INPP4B: variants seen among roughly 807,000 people sequenced by gnomAD.
INPP4B encodes the protein inositol polyphosphate-4-phosphatase type II B, also known as inositol polyphosphate 4-phosphatase type II.
A neutral mutation model predicts 122.5 loss-of-function variants in INPP4B; 55 were observed. The observed-to-expected ratio is 0.45, with a 90% CI of 0.36 to 0.56. The LOEUF (loss-of-function observed/expected upper bound fraction) is 0.56, where lower values mean the gene tolerates loss of function less well. Ranked by LOEUF, INPP4B falls within the 20% of genes least tolerant of loss-of-function variation. The pLI is 0.00. For synonymous variants in INPP4B, 403 were observed against 388.7 expected, an observed-to-expected ratio of 1.04 and a Z score of -0.43; for missense variants, 1,000 against 1,097.7, an observed-to-expected ratio of 0.91 and a Z score of 1.26.
chr4:142,046,177 A>G (rs1210882977), intron 25 of INPP4B, among the ~76,000 whole-genome samples: 1 of 152,148 alleles, frequency 6.6e-6, no homozygotes, highest in Non-Finnish European at 1.5e-5. Context: ...CTATTGCATA[A>G]TAAGAAAAAG....
At position 142,748,816 on chromosome 4, in the gene INPP4B, A is replaced by G. The variant is rs545378654; in HGVS notation, c.-253-22915T>C. 5.9e-5 allele frequency among the ~76,000 whole-genome samples: 9 copies of G among 152,190 alleles called. No homozygotes were observed. The South Asian group carries it at 1.9e-3, about 32-fold the overall frequency. ...AACACAAAAGACAAATTGGAAGCAC[A>G]AAACAACAGCAGAAGGACTTTCAAA... On this transcript the variant is annotated intron_variant, in intron 1 of 25. Coordinates refer to ENST00000262992, the MANE Select transcript of INPP4B (RefSeq NM_001101669.3).
intron 14 of INPP4B, among the ~76,000 whole-genome samples, chr4:142,194,895 A>C (rs534655294): frequency 1.3e-5 from 2 of 152,326 alleles, no homozygotes; most frequent in Admixed American, 1.3e-4. Context: ...CTATCCCACC[A>C]ATAAAGGTGT....
chr4:142,742,273 G>A (rs1156581647), intron 1 of INPP4B, among the ~76,000 whole-genome samples: 2 of 151,944 alleles, frequency 1.3e-5, no homozygotes, highest in Non-Finnish European at 2.9e-5. Flanking sequence ...CATGAATGGG[G>A]GACATTTTTG....
At chr4:142,052,083 TAGAACCAACACTCAGG>T (rs1754913785) in intron 25 of INPP4B, among the ~76,000 whole-genome samples, 1 of 152,030 alleles carries the variant, frequency 6.6e-6, no homozygotes, top group African/African-American at 2.4e-5. Context: ...CTGACTTCCT[TAGAACCAACACTCAGG>T]TCTTTTTTGA....
chr4:142,262,348 C>T (rs965418516), intron 10 of INPP4B, among the ~76,000 whole-genome samples: 21 of 152,252 alleles, frequency 1.4e-4, no homozygotes, highest in African/African-American at 5.1e-4. Context: ...GCTGCTCTTT[C>T]AACACAAAAA....
At chr4:142,447,959 T>TCA (rs1180168288) in intron 3 of INPP4B, among the ~76,000 whole-genome samples, 1 of 152,068 alleles carries the variant, frequency 6.6e-6, no homozygotes, top group African/African-American at 2.4e-5. Flanking sequence ...AGACTGTTTT[T>TCA]CATAGAAACA....
At chr4:142,055,717 G>A (rs189331549) in intron 25 of INPP4B, among the ~76,000 whole-genome samples, 21 of 150,356 alleles carry the variant, frequency 1.4e-4, no homozygotes, top group Admixed American at 9.3e-4. Context: ...ACAGAAAATT[G>A]TGTTCATGGA....
chr4:142,267,828 T>C (rs1743557299), intron 10 of INPP4B, among the ~76,000 whole-genome samples: 1 of 151,928 alleles, frequency 6.6e-6, no homozygotes, highest in African/African-American at 2.4e-5. Context: ...GGAGCTAATA[T>C]TCAAAATATA....
At chr4:142,082,929 C>G (rs544836508) in intron 24 of INPP4B, among the ~76,000 whole-genome samples, 1 of 152,202 alleles carries the variant, frequency 6.6e-6, no homozygotes, top group African/African-American at 2.4e-5. Context: ...GAGTTTGAGA[C>G]TAGCCTGGGA....
intron 5 of INPP4B, among the ~76,000 whole-genome samples, chr4:142,410,255 C>T (rs2149237513): frequency 6.6e-6 from 1 of 152,316 alleles, no homozygotes; most frequent in East Asian, 1.9e-4. Flanking sequence ...TGTCAACAAG[C>T]AGATGCCTGC....
chr4:142,371,800 T>G (rs1338110743), intron 7 of INPP4B, among the ~76,000 whole-genome samples: 1 of 151,238 alleles, frequency 6.6e-6, no homozygotes, highest in African/African-American at 2.4e-5. Flanking sequence ...GGCAAATATG[T>G]GAGGAAAGGG....
intron 2 of INPP4B, among the ~76,000 whole-genome samples, chr4:142,616,809 C>T (rs1337793939): frequency 5.9e-5 from 9 of 152,180 alleles, no homozygotes; most frequent in Admixed American, 5.9e-4. Context: ...AACTGGGAGC[C>T]ATTATCCTAA....
chr4:142,503,093 G>A (rs1823594107), intron 2 of INPP4B, among the ~76,000 whole-genome samples: 1 of 152,198 alleles, frequency 6.6e-6, no homozygotes, highest in Admixed American at 6.6e-5. Flanking sequence ...TCACTAGAGT[G>A]AAATAACAAT....
chr4:142,146,890 C>T (rs1811049117), intron 17 of INPP4B, among the ~76,000 whole-genome samples: 2 of 152,200 alleles, frequency 1.3e-5, no homozygotes, highest in South Asian at 4.1e-4. Context: ...CACTAATCTT[C>T]CCAGTTCTCA....
At chr4:142,368,073 G>A (rs780995704) in intron 7 of INPP4B, among the ~76,000 whole-genome samples, 5 of 152,104 alleles carry the variant, frequency 3.3e-5, no homozygotes, top group Non-Finnish European at 7.4e-5. Flanking sequence ...CTTTGCAACC[G>A]TGTAAGCTCT....
At position 142,431,110 on chromosome 4, in the gene INPP4B, T is replaced by C. The variant is rs181830842; in HGVS notation, c.91+59A>G. ...GAATGCATGTATGTATGTGTAAGTT[T>C]CATCGGCCCAATTTGCATCTTTAGA... is the stretch of plus-strand genomic sequence containing the variant. On this transcript the variant is annotated intron_variant, in intron 4 of 25. Coordinates refer to ENST00000262992, the MANE Select transcript of INPP4B (RefSeq NM_001101669.3). 5.7e-4 allele frequency: 733 copies of C among 1,290,204 alleles called. 2 individuals carry two copies. The African/African-American group carries it at 9.4e-3, about 17-fold the overall frequency. The allele number at this position is 1,290,204 out of a possible 1,614,324, so 79.9% of individuals were successfully genotyped here.
rs186277442 is a variant in INPP4B, at chr4:142,193,020, T to C, written c.1181+67A>G. The stretch of plus-strand genomic sequence containing the variant: ...ACATTGTGATGGACCAATCACCTTG[T>C]ATATAGACTTCCCCAAAGGGGAGAT... On this transcript the variant is annotated intron_variant, in intron 15 of 25. Coordinates refer to ENST00000262992, the MANE Select transcript of INPP4B (RefSeq NM_001101669.3). The C allele has an allele frequency of 1.3e-4, 119 of 912,906 alleles. 1 individual carries two copies. Among genetic ancestry groups the C allele is most frequent in the East Asian group, 1.3e-3 (54 of 41,672 alleles). 56.6% of individuals were successfully genotyped at this position (912,906 alleles called of 1,614,324 possible).
intron 23 of INPP4B, among the ~76,000 whole-genome samples, chr4:142,099,302 T>A (rs1783451229): frequency 6.6e-6 from 1 of 152,194 alleles, no homozygotes; most frequent in South Asian, 2.1e-4. Flanking sequence ...TTTTACACAT[T>A]TTTATGTGTC....
intron 3 of INPP4B, among the ~76,000 whole-genome samples, chr4:142,447,065 A>G (rs1450557925): frequency 3.9e-5 from 6 of 152,198 alleles, no homozygotes; most frequent in Admixed American, 2.0e-4. Context: ...TATGAATTGA[A>G]CTAAAAAGAG....
Sources: allele counts gnomAD v4.1 joint callset (sites outside exome capture counted in the v4.1 genomes callset), GRCh38; gene constraint gnomAD v4.1.1; transcripts MANE v1.5; gene names NCBI Gene and HGNC (gene_info 2026-07-23, HGNC 2026-07-21).